Variants in PDGFRA observed in about 807,000 individuals in gnomAD.
PDGFRA encodes platelet-derived growth factor receptor alpha.
A neutral mutation model predicts 121.5 loss-of-function variants in PDGFRA; 25 were observed. The ratio of observed to expected loss-of-function variants is 0.21; its 90% CI spans 0.15 to 0.29. The LOEUF is 0.29. PDGFRA is among the 10% of genes least tolerant of loss of function. The probability of loss-of-function intolerance (pLI) is 1.00; values close to 1 mark genes in which losing one functional copy is unlikely to be tolerated. For synonymous variants in PDGFRA, 463 were observed against 494.8 expected (o/e 0.94, Z 0.85); for missense variants, 1,008 against 1,345.1 (o/e 0.75, Z 3.92).
At chr4:54,278,651 C>A in intron 15 of PDGFRA, 136 bp downstream of exon 15, 1 of 790,362 alleles carries the variant, frequency 1.3e-6, no homozygotes, top group Non-Finnish European at 2.1e-6. Flanking sequence ...ACCACCCTGT[C>A]CAGTCTTTCC....
At chr4:54,233,349 G>A (rs1474788853) in intron 1 of PDGFRA, among the ~76,000 whole-genome samples, 2 of 152,236 alleles carry the variant, frequency 1.3e-5, no homozygotes, top group African/African-American at 4.8e-5. Flanking sequence ...CAGTCCGAGC[G>A]CAGAGCCTCC....
chr4:54,266,705 G>A (rs1214601665), intron 5 of PDGFRA, among the ~76,000 whole-genome samples: 1 of 152,128 alleles, frequency 6.6e-6, no homozygotes, highest in Admixed American at 6.5e-5. Context: ...AATGGGCTGG[G>A]TGTGGTGGCT....
intron 22 of PDGFRA, among the ~76,000 whole-genome samples, chr4:54,292,117 C>T (rs926212409): frequency 1.3e-5 from 2 of 152,096 alleles, no homozygotes; most frequent in African/African-American, 4.8e-5. Flanking sequence ...TGGCGATTCC[C>T]CAAAGACCTA....
intron 9 of PDGFRA, 23 bp from the exon 10 acceptor site, chr4:54,273,514 A>G (rs1316562403): frequency 1.9e-6 from 3 of 1,601,190 alleles, no homozygotes; most frequent in East Asian, 4.5e-5. Context: ...TTGGCCCTAT[A>G]CTTAGGCCCT....
chr4:54,278,085 C>T lies in PDGFRA; in HGVS notation c.2002+79C>T, dbSNP rs562186315. 3 of 879,676 alleles carry T rather than the reference C, an allele frequency of 3.4e-6. No individual in the cohort carries two copies. In the East Asian group the frequency reaches 7.3e-5, roughly 21 times the overall value. 54.5% of individuals were successfully genotyped at this position (879,676 alleles called of 1,614,324 possible). On this transcript the variant is annotated intron_variant, in intron 14 of 22. Transcript: ENST00000257290. ...AACTGTTCAATCAGGCTTAAATCCT[C>T]CACTCTCCATCCCCACACATGGCAG...
At chr4:54,244,687 C>A (rs542974505) in intron 1 of PDGFRA, among the ~76,000 whole-genome samples, 2 of 152,356 alleles carry the variant, frequency 1.3e-5, no homozygotes, top group African/African-American at 4.8e-5. Context: ...GAACGCAGCT[C>A]CTCACCAGCA....
intron 1 of PDGFRA, among the ~76,000 whole-genome samples, chr4:54,240,279 A>G (rs1453344794): frequency 6.6e-6 from 1 of 152,074 alleles, no homozygotes; most frequent in Non-Finnish European, 1.5e-5. Context: ...TGGTTTTGAG[A>G]GTTCTCCCGT....
chr4:54,260,593 A>C (rs1304635012), intron 2 of PDGFRA, among the ~76,000 whole-genome samples: 2 of 151,204 alleles, frequency 1.3e-5, no homozygotes, highest in Non-Finnish European at 2.9e-5. Context: ...TTTTTTGTGG[A>C]GACCAGGTCT....
intron 1 of PDGFRA, among the ~76,000 whole-genome samples, chr4:54,232,202 T>C (rs1259114922): frequency 6.6e-6 from 1 of 151,638 alleles, no homozygotes; most frequent in East Asian, 1.9e-4. Flanking sequence ...CGGGTCTAAC[T>C]CGCCGGGTCC....
chr4:54,267,305 C>T lies in PDGFRA; in HGVS notation c.776C>T (p.Thr259Ile). 4 of 1,614,146 alleles carry T rather than the reference C, an allele frequency of 2.5e-6. No homozygotes were observed. Among genetic ancestry groups the T allele is most frequent in the Non-Finnish European group, 3.4e-6 (4 of 1,180,020 alleles). The change falls in exon 6 of 23, where the codon ACA (threonine) becomes ATA (isoleucine). Residue 259 changes from threonine (T) to isoleucine (I), a missense_variant. This residue lies in a region of PDGFRA where 575 missense variants were observed against 701.8 expected (regional missense o/e 0.82). Coordinates refer to ENST00000257290, the MANE Select transcript of PDGFRA (RefSeq NM_006206.6). Reference sequence around the variant, plus strand: ...TTGCTGTAGAAAGGCAAAGGCATCACAATGCTGGAAGAAATCAAAGTCCCA... The same window carrying T: ...TTGCTGTAGAAAGGCAAAGGCATCATAATGCTGGAAGAAATCAAAGTCCCA... Reference protein sequence around the residue: ...YPGEVKGKGITMLEEIKVPSI... With the variant: ...YPGEVKGKGIIMLEEIKVPSI...
Position 54,296,586 on chromosome 4 carries a change from A to G in PDGFRA, c.*1314A>G, listed in dbSNP as rs1473856206. ...ATTAGCCTGGATCCTCAGTTCTCAA[A>G]TGTGTGTGGCAGCCAGGATGACTAG... On this transcript the variant is annotated 3_prime_UTR_variant, in exon 23 of 23. Transcript: ENST00000257290. 4.3e-6 allele frequency: 1 copy of G among 232,176 alleles called. No homozygotes were observed. Among genetic ancestry groups the G allele is most frequent in the African/African-American group, 2.2e-5 (1 of 45,266 alleles). 14.4% of individuals were successfully genotyped at this position (232,176 alleles called of 1,614,324 possible). A position where few individuals can be genotyped will look rare whatever the true frequency, so the allele number is the denominator to read the frequency against.
Position 54,254,633 on chromosome 4 carries a change from C to T in PDGFRA, c.-12-4124C>T, listed in dbSNP as rs577003651. ...TACGGGATCTAAATGTGATAAAAGCCACGACGACATCAAGCTGGCTCTGGA... is the reference window on the plus strand; with the variant it reads ...TACGGGATCTAAATGTGATAAAAGCTACGACGACATCAAGCTGGCTCTGGA... On this transcript the variant is annotated intron_variant, in intron 1 of 22. Coordinates refer to ENST00000257290, the MANE Select transcript of PDGFRA (RefSeq NM_006206.6). Among the ~76,000 whole-genome samples, 34 of 152,278 alleles carry T rather than the reference C, an allele frequency of 2.2e-4. 1 individual carries two copies. The highest frequency in any genetic ancestry group is 7.8e-4 in the Admixed American group (12 of 15,294).
In PDGFRA at chr4:54,280,476, A is replaced by G. The variant is rs191808397; in HGVS notation, c.2317A>G (p.Met773Val). 56 of 1,612,392 alleles carry G rather than the reference A, an allele frequency of 3.5e-5. No homozygotes were observed. The East Asian group carries it at 9.8e-4, about 28-fold the overall frequency. Reference sequence around the variant, plus strand: ...TCCAGCCTCATATAAGAAGAAATCTATGTTAGGTAAAAGTGTCTATACTCA... The same window carrying G: ...TCCAGCCTCATATAAGAAGAAATCTGTGTTAGGTAAAAGTGTCTATACTCA... ...DRPASYKKKSMLDSEVKNLLS... is the reference protein window; with the variant it reads ...DRPASYKKKSVLDSEVKNLLS... The change falls in exon 16 of 23, where the codon ATG becomes GTG. Residue 773 changes from methionine to valine, a missense_variant. Physicochemically the swap from Met to Val is conservative, Grantham distance 21 (BLOSUM62 1). Transcript: ENST00000257290.
rs1184942299 is a variant in PDGFRA, at chr4:54,229,321, CAGA to C, written c.-106_-104del. 2 of 398,328 alleles carry C rather than the reference CAGA, an allele frequency of 5.0e-6. No homozygotes were observed. Among genetic ancestry groups the C allele is most frequent in the Admixed American group, 4.4e-5 (1 of 22,718 alleles). The allele number at this position is 398,328 out of a possible 1,614,324, so 24.7% of individuals were successfully genotyped here. A position where few individuals can be genotyped will look rare whatever the true frequency, so the allele number is the denominator to read the frequency against. ...ACTGTTGGAGCTACAGGGAGAGAAA[CAGA>C]GGAGGAGACTGCAAGAGATCATTGG... On this transcript the variant is annotated 5_prime_UTR_variant, in exon 1 of 23. Transcript: ENST00000257290.
At chr4:54,290,597 C>G in intron 22 of PDGFRA, 43 bp downstream of exon 22, 2 of 1,611,460 alleles carry the variant, frequency 1.2e-6, no homozygotes, top group Non-Finnish European at 1.7e-6. Context: ...TTCCCCTCCC[C>G]TATAGGCCCT....
At chr4:54,275,513 C>T (rs1723671687) in intron 12 of PDGFRA, among the ~76,000 whole-genome samples, 1 of 152,118 alleles carries the variant, frequency 6.6e-6, no homozygotes, top group East Asian at 1.9e-4. Flanking sequence ...GTATATGAAG[C>T]TTTAGTCCAA....
rs757362827 is a variant in PDGFRA at position 54,295,150 on chromosome 4, A to C, written c.3148A>C (p.Ile1050Leu). ...CTCGCAGACCTCTGAAGAGAGTGCC[A>C]TTGAGACGGGTTCCAGCAGTTCCAC... Reference protein sequence around the residue: ...HSSQTSEESAIETGSSSSTFI... With the variant: ...HSSQTSEESALETGSSSSTFI... The change falls in exon 23 of 23, where the codon ATT (isoleucine) becomes CTT (leucine). Residue 1050 changes from isoleucine (I) to leucine (L), a missense_variant. This residue lies in a region of PDGFRA where 204 missense variants were observed against 243.0 expected (regional missense o/e 0.84). Coordinates refer to ENST00000257290, the MANE Select transcript of PDGFRA (RefSeq NM_006206.6). The C allele has an allele frequency of 6.2e-7, 1 of 1,614,134 alleles. No homozygotes were observed. The highest frequency in any genetic ancestry group is 8.5e-7 in the Non-Finnish European group (1 of 1,180,004).
At chr4:54,258,615 T>A (rs1244738697) in intron 1 of PDGFRA, 142 bp from the exon 2 acceptor site, 1 of 718,298 alleles carries the variant, frequency 1.4e-6, no homozygotes, top group African/African-American at 1.7e-5. Context: ...TCTTACTGTT[T>A]GAACCTTGAA....
intron 16 of PDGFRA, among the ~76,000 whole-genome samples, chr4:54,282,835 G>A (rs986941907): frequency 1.7e-4 from 26 of 152,150 alleles, no homozygotes; most frequent in African/African-American, 6.3e-4. Context: ...ATAGGCATTG[G>A]GTCAACATTC....
Sources: allele counts gnomAD v4.1 joint callset (sites outside exome capture counted in the v4.1 genomes callset), GRCh38; gene constraint gnomAD v4.1.1; regional missense constraint gnomAD v4.1.1; transcripts MANE v1.5; gene names NCBI Gene and HGNC (gene_info 2026-07-23, HGNC 2026-07-21).